BACE2: variants seen among roughly 807,000 people sequenced by gnomAD.
BACE2 encodes 56 kDa aspartic-like protease.
Under a neutral mutation model 46.2 loss-of-function variants are expected in BACE2, and 17 were observed. The ratio of observed to expected loss-of-function variants is 0.37; its 90% CI spans 0.25 to 0.55. The LOEUF (loss-of-function observed/expected upper bound fraction) is 0.55, where lower values mean the gene tolerates loss of function less well. BACE2 is among the 20% of genes least tolerant of loss of function. The pLI is 0.82. For synonymous variants in BACE2, 277 were observed against 295.9 expected, an observed-to-expected ratio of 0.94 and a Z score of 0.66; for missense variants, 595 against 698.1, an observed-to-expected ratio of 0.85 and a Z score of 1.66.
At chr21:41,229,567 T>G (rs2123580194) in intron 2 of BACE2, among the ~76,000 whole-genome samples, 1 of 152,352 alleles carries the variant, frequency 6.6e-6, no homozygotes, top group Non-Finnish European at 1.5e-5. Flanking sequence ...CAGAGGCAAT[T>G]GTTGAAACCT....
At chr21:41,226,463 GATACCA>G in intron 2 of BACE2, 109 bp downstream of exon 2, 5 of 940,858 alleles carry the variant, frequency 5.3e-6, no homozygotes, top group Non-Finnish European at 8.4e-6. Context: ...TTTTAAGGGG[GATACCA>G]ATATGTATGT....
chr21:41,174,858 G>A (rs1363274920), intron 1 of BACE2, among the ~76,000 whole-genome samples: 1 of 152,158 alleles, frequency 6.6e-6, no homozygotes, highest in Admixed American at 6.5e-5. Flanking sequence ...AGACACTGGG[G>A]TTCATTGTAT....
At chr21:41,237,418 C>T (rs967751694) in intron 2 of BACE2, 95 bp from the exon 3 acceptor site, 7 of 936,488 alleles carry the variant, frequency 7.5e-6, no homozygotes, top group Non-Finnish European at 1.0e-5. Flanking sequence ...TGCACTCCAG[C>T]CTGGGTGACA....
chr21:41,250,154 T>A (rs60690082), intron 6 of BACE2, among the ~76,000 whole-genome samples: 4,697 of 151,586 alleles, frequency 0.031, 216 homozygotes, highest in African/African-American at 0.1. Context: ...CAGGAAGGAG[T>A]GGGGCATGGT....
chr21:41,227,154 TA>T (rs1333007316), intron 2 of BACE2, among the ~76,000 whole-genome samples: 2 of 152,262 alleles, frequency 1.3e-5, no homozygotes, highest in African/African-American at 4.8e-5. Flanking sequence ...ATGTCACAAC[TA>T]TTTTTACGAT....
rs751978125 is a variant in BACE2, at chr21:41,243,556, G to A, written c.882+46G>A. On this transcript the variant is annotated intron_variant, in intron 5 of 8. Transcript: ENST00000330333. The stretch of plus-strand genomic sequence containing the variant: ...GTTGTGTCTTTCTGTGTATGTCTGG[G>A]TCCCTTAAATATGCCAGCTGGAACC... The A allele has an allele frequency of 1.9e-6, 3 of 1,545,392 alleles. No homozygotes were observed. In the East Asian group the frequency reaches 7.0e-5, roughly 36 times the overall value.
intron 3 of BACE2, among the ~76,000 whole-genome samples, chr21:41,239,683 C>T (rs9980840): frequency 1 from 152,320 of 152,322 alleles, 76,159 homozygotes; most frequent in Middle Eastern, 1. Flanking sequence ...GGCCTTATTC[C>T]CCCCATTTTC....
intron 1 of BACE2, chr21:41,179,848 T>C (rs192761920): frequency 4.7e-5 from 19 of 403,012 alleles, no homozygotes; most frequent in Non-Finnish European, 7.8e-5. Context: ...GACACATGGA[T>C]GTAAGTGTGG....
At chr21:41,233,186 C>T (rs896493302) in intron 2 of BACE2, among the ~76,000 whole-genome samples, 3 of 152,156 alleles carry the variant, frequency 2.0e-5, no homozygotes, top group Admixed American at 2.0e-4. Flanking sequence ...TGAAAAAAGG[C>T]AGCAAATGAT....
At chr21:41,191,062 AT>A (rs903972555) in intron 1 of BACE2, among the ~76,000 whole-genome samples, 7 of 152,192 alleles carry the variant, frequency 4.6e-5, no homozygotes, top group African/African-American at 1.7e-4. Context: ...ACTAGGGGTG[AT>A]GGTGAGTGAT....
At chr21:41,197,801 ACATCATT>A (rs1985793806) in intron 1 of BACE2, among the ~76,000 whole-genome samples, 3 of 152,200 alleles carry the variant, frequency 2.0e-5, no homozygotes, top group Admixed American at 1.3e-4. Flanking sequence ...GGCTGAGGTA[ACATCATT>A]CATGAGGGCA....
At chr21:41,217,218 T>C (rs530080752) in intron 1 of BACE2, among the ~76,000 whole-genome samples, 2 of 152,356 alleles carry the variant, frequency 1.3e-5, no homozygotes, top group African/African-American at 2.4e-5. Flanking sequence ...CGTGAGCCAC[T>C]GCGCCCGGCC....
chr21:41,268,223 T>TG (rs1430204341), intron 8 of BACE2, among the ~76,000 whole-genome samples: 2 of 152,136 alleles, frequency 1.3e-5, no homozygotes, highest in African/African-American at 4.8e-5. Context: ...ATGACAAAAC[T>TG]GGGGGGCAAA....
At chr21:41,255,550 G>C (rs1375604352) in intron 7 of BACE2, among the ~76,000 whole-genome samples, 1 of 152,194 alleles carries the variant, frequency 6.6e-6, no homozygotes, top group Admixed American at 6.5e-5. Context: ...GAGGGTGTCT[G>C]TGGGGGCACT....
At chr21:41,236,386 G>A (rs554572514) in intron 2 of BACE2, among the ~76,000 whole-genome samples, 66 of 152,234 alleles carry the variant, frequency 4.3e-4, no homozygotes, top group African/African-American at 1.5e-3. Context: ...GGTGGCTCTC[G>A]TCCCGTAACC....
chr21:41,182,982 T>G (rs192132078), intron 1 of BACE2: 1 of 166,396 alleles, frequency 6.0e-6, no homozygotes, highest in African/African-American at 2.4e-5. Context: ...AGACAAAAAA[T>G]TTTTTCTCAA....
rs1460086391 is a variant in BACE2 at position 41,277,860 on chromosome 21, C to T, written c.*2236C>T. ...ATCAGATTTCTTTATCTTTTCATAT[C>T]GCATGTCATTGGATGTGACATTTTG... is the stretch of plus-strand genomic sequence containing the variant. On this transcript the variant is annotated 3_prime_UTR_variant, in exon 9 of 9. Coordinates refer to ENST00000330333, the MANE Select transcript of BACE2 (RefSeq NM_012105.5). 4 of 152,300 alleles carry T rather than the reference C, an allele frequency of 2.6e-5. No individual in the cohort carries two copies. Among genetic ancestry groups the T allele is most frequent in the South Asian group, 2.1e-4 (1 of 4,830 alleles). The allele number at this position is 152,300 out of a possible 1,614,324, so 9.4% of individuals were successfully genotyped here.
At chr21:41,255,472 C>A (rs1310874384) in intron 7 of BACE2, among the ~76,000 whole-genome samples, 3 of 152,212 alleles carry the variant, frequency 2.0e-5, no homozygotes, top group Admixed American at 2.0e-4. Context: ...AAGAATGCAG[C>A]CCTCTTAGAG....
At chr21:41,217,975 A>AT (rs1168577983) in intron 1 of BACE2, among the ~76,000 whole-genome samples, 1 of 152,214 alleles carries the variant, frequency 6.6e-6, no homozygotes, top group African/African-American at 2.4e-5. Context: ...CCACACCTAG[A>AT]TTTTGGACTT....
Sources: gnomAD v4.1 joint callset for allele counts (sites outside exome capture counted in the v4.1 genomes callset) on GRCh38, gnomAD v4.1.1 for gene constraint, MANE v1.5 for transcripts, NCBI Gene and HGNC (gene_info 2026-07-23, HGNC 2026-07-21) for gene names.